ITSN1: variants seen among roughly 807,000 people sequenced by gnomAD.
The protein encoded by ITSN1 is intersectin-1.
Under a neutral mutation model 239.8 loss-of-function variants are expected in ITSN1, and 58 were observed. The ratio of observed to expected loss-of-function variants is 0.24; its 90% CI spans 0.20 to 0.30. ITSN1 has a LOEUF of 0.30. Ranked by LOEUF, ITSN1 falls within the 10% of genes least tolerant of loss-of-function variation. The probability of loss-of-function intolerance (pLI) is 1.00; values close to 1 mark genes in which losing one functional copy is unlikely to be tolerated. For synonymous variants in ITSN1, 780 were observed against 770.8 expected (o/e 1.01, Z -0.20); for missense variants, 1,558 against 2,103.3 (o/e 0.74, Z 5.07).
rs1986961713 is a variant in ITSN1, at chr21:33,899,275, T to A, written c.*10975T>A. The A allele has an allele frequency of 6.6e-6, 1 of 152,142 alleles. No individual in the cohort carries two copies. Among genetic ancestry groups the A allele is most frequent in the Admixed American group, 6.5e-5 (1 of 15,278 alleles). 9.4% of individuals were successfully genotyped at this position (152,142 alleles called of 1,614,324 possible). On this transcript the variant is annotated 3_prime_UTR_variant, in exon 40 of 40. Transcript: ENST00000381318. The stretch of plus-strand genomic sequence containing the variant: ...TTTGCCTGTTTGGAAAAGAATGTAA[T>A]CCATCAGAACGTGAGCTCCTTGTGC...
intron 16 of ITSN1, among the ~76,000 whole-genome samples, chr21:33,784,972 A>C (rs960978896): frequency 2.0e-5 from 3 of 152,116 alleles, no homozygotes; most frequent in African/African-American, 7.2e-5. Flanking sequence ...GTGTCATTTC[A>C]CACATCTAAC....
At chr21:33,819,788 C>T (rs1196913745) in intron 24 of ITSN1, among the ~76,000 whole-genome samples, 1 of 151,902 alleles carries the variant, frequency 6.6e-6, no homozygotes, top group African/African-American at 2.4e-5. Flanking sequence ...CGAGACCATC[C>T]TGGCTAACAA....
Position 33,797,445 on chromosome 21 carries a change from A to C in ITSN1, c.2019A>C (p.Pro673=), listed in dbSNP as rs780135031. ...HVQQEDEHQR[P]RKLHEEEKLK... is the part of the protein sequence containing the mutation. ...AGCAGGAGGACGAGCATCAGAGACC[A>C]AGAAAACTCCACGAAGAGGAAAAAC... is the stretch of plus-strand genomic sequence containing the variant. Residue 673 remains proline (P), a synonymous_variant, in exon 18 of 40, where the codon CCA becomes CCC. Transcript: ENST00000381318. The surrounding 1 kb of genome is among the most constrained non-coding windows in gnomAD (Gnocchi z 4.9). 6.2e-7 allele frequency: 1 copy of C among 1,614,122 alleles called. No individual in the cohort carries two copies. The highest frequency in any genetic ancestry group is 2.2e-5 in the East Asian group (1 of 44,872).
At chr21:33,650,248 A>G (rs1444090549) in intron 1 of ITSN1, among the ~76,000 whole-genome samples, 1 of 152,168 alleles carries the variant, frequency 6.6e-6, no homozygotes, top group African/African-American at 2.4e-5. Flanking sequence ...TTTGCAAGAC[A>G]TGGATACAGT....
At chr21:33,875,559 C>T in intron 34 of ITSN1, 38 bp downstream of exon 34, 1 of 1,594,922 alleles carries the variant, frequency 6.3e-7, no homozygotes, top group Non-Finnish European at 8.6e-7. Context: ...TCTCCCCCGG[C>T]AGAGCCTCGC....
At chr21:33,770,209 A>C (rs974649824) in intron 11 of ITSN1, among the ~76,000 whole-genome samples, 2 of 151,846 alleles carry the variant, frequency 1.3e-5, no homozygotes, top group Admixed American at 1.3e-4. Context: ...GACTACAGGC[A>C]TGTGCCATAA....
chr21:33,875,476 G>A lies in ITSN1; in HGVS notation c.4296G>A (p.Arg1432=), dbSNP rs1246358447. The A allele has an allele frequency of 6.2e-7, 1 of 1,614,170 alleles. No individual in the cohort carries two copies. Among genetic ancestry groups the A allele is most frequent in the East Asian group, 2.2e-5 (1 of 44,870 alleles). Residue 1432 remains arginine, a synonymous_variant, in exon 34 of 40, where the codon CGG becomes CGA. Transcript: ENST00000381318. ...EGVREKENSD[R]LEWIQAHVQC... ...TGCGGGAGAAGGAGAACTCTGACCG[G>A]CTGGAGTGGATCCAGGCCCACGTGC...
At chr21:33,813,824 T>C (rs1315585045) in intron 21 of ITSN1, 89 bp from the exon 22 acceptor site, 3 of 228,240 alleles carry the variant, frequency 1.3e-5, no homozygotes, top group East Asian at 2.7e-4. Context: ...GAGTGCTTGC[T>C]TTTTTTTTTT....
intron 14 of ITSN1, 79 bp from the exon 15 acceptor site, chr21:33,781,382 C>T (rs924762704): frequency 1.3e-6 from 1 of 786,700 alleles, no homozygotes; most frequent in African/African-American, 1.8e-5. Context: ...AGAAAACTGA[C>T]TTAAGCTCTG....
intron 8 of ITSN1, among the ~76,000 whole-genome samples, chr21:33,760,712 T>G (rs1326186873): frequency 6.6e-6 from 1 of 152,154 alleles, no homozygotes; most frequent in East Asian, 1.9e-4. Flanking sequence ...CACATCCAGT[T>G]TTGTGGTTTT....
chr21:33,656,584 A>G (rs1196246095), intron 1 of ITSN1, among the ~76,000 whole-genome samples: 2 of 152,112 alleles, frequency 1.3e-5, no homozygotes, highest in African/African-American at 2.4e-5. Flanking sequence ...CCCAGGCTGG[A>G]GAGTGCAGTG....
intron 17 of ITSN1, among the ~76,000 whole-genome samples, chr21:33,794,699 A>G (rs1401094865): frequency 6.6e-6 from 1 of 152,232 alleles, no homozygotes; most frequent in Non-Finnish European, 1.5e-5. Flanking sequence ...TACTATGTAG[A>G]TAAATGGAAT....
chr21:33,752,370 C>A (rs2067613959), intron 7 of ITSN1, among the ~76,000 whole-genome samples: 2 of 151,836 alleles, frequency 1.3e-5, no homozygotes, highest in Admixed American at 1.3e-4. Flanking sequence ...TAGTAAAATC[C>A]TATTAAAGAC....
intron 1 of ITSN1, among the ~76,000 whole-genome samples, chr21:33,650,839 A>G (rs1201613916): frequency 6.6e-6 from 1 of 152,260 alleles, no homozygotes; most frequent in Non-Finnish European, 1.5e-5. Flanking sequence ...CCTGCACTTA[A>G]TATAAAGAGC....
intron 29 of ITSN1, chr21:33,837,554 T>C (rs1245886104): frequency 1.0e-6 from 1 of 985,670 alleles, no homozygotes; most frequent in Non-Finnish European, 1.2e-6. Flanking sequence ...TGCAGAGGAG[T>C]TCAGTATCTC....
intron 21 of ITSN1, among the ~76,000 whole-genome samples, chr21:33,812,323 C>T (rs2072970314): frequency 6.6e-6 from 1 of 152,086 alleles, no homozygotes; most frequent in African/African-American, 2.4e-5. Context: ...GCCTCTTCTT[C>T]AATATATGTA....
At chr21:33,827,119 G>T (rs1293763912) in intron 26 of ITSN1, among the ~76,000 whole-genome samples, 1 of 152,184 alleles carries the variant, frequency 6.6e-6, no homozygotes, top group Non-Finnish European at 1.5e-5. Context: ...TTCAGGTGAG[G>T]CCAGGCACGG....
chr21:33,861,288 G>A (rs537654972), intron 31 of ITSN1, among the ~76,000 whole-genome samples: 14 of 152,196 alleles, frequency 9.2e-5, no homozygotes, highest in African/African-American at 2.7e-4. Context: ...CCTAGCAGCC[G>A]AGAGAGGGAG....
At chr21:33,677,211 A>G (rs1014152894) in intron 1 of ITSN1, among the ~76,000 whole-genome samples, 3 of 152,152 alleles carry the variant, frequency 2.0e-5, no homozygotes, top group Non-Finnish European at 4.4e-5. Context: ...AGAACTGAGC[A>G]AGTATGTGGG....
Sources: gnomAD v4.1 joint callset for allele counts (sites outside exome capture counted in the v4.1 genomes callset) on GRCh38, gnomAD v4.1.1 for gene constraint, Gnocchi (gnomAD v3.1) non-coding constraint, MANE v1.5 for transcripts, NCBI Gene and HGNC (gene_info 2026-07-23, HGNC 2026-07-21) for gene names.